L3MBTL4: variants seen among roughly 807,000 people sequenced by gnomAD.
The protein encoded by L3MBTL4 is lethal(3)malignant brain tumor-like protein 4.
A neutral mutation model predicts 84.5 loss-of-function variants in L3MBTL4; 70 were observed. The observed-to-expected ratio is 0.83, with a 90% CI of 0.68 to 1.01. The LOEUF is 1.01. L3MBTL4 is among the 50% of genes least tolerant of loss of function. The pLI is 0.00. For synonymous variants in L3MBTL4, 274 were observed against 259.8 expected, an observed-to-expected ratio of 1.05 and a Z score of -0.52; for missense variants, 715 against 754.8, an observed-to-expected ratio of 0.95 and a Z score of 0.62.
chr18:6,027,009 C>T (rs2055537387), intron 16 of L3MBTL4, among the ~76,000 whole-genome samples: 1 of 152,040 alleles, frequency 6.6e-6, no homozygotes, highest in Non-Finnish European at 1.5e-5. Context: ...AGTAAAACAG[C>T]TGGTGTTTTG....
intron 1 of L3MBTL4, among the ~76,000 whole-genome samples, chr18:6,317,029 T>TAAAC (rs1488321735): frequency 1.3e-4 from 20 of 151,994 alleles, no homozygotes; most frequent in African/African-American, 4.6e-4. Flanking sequence ...AATAAATAAA[T>TAAAC]GCACACTGTG....
chr18:6,264,735 G>T (rs752934991), intron 4 of L3MBTL4, among the ~76,000 whole-genome samples: 4 of 152,172 alleles, frequency 2.6e-5, no homozygotes, highest in Non-Finnish European at 4.4e-5. Context: ...AGTGAGCCGA[G>T]ATCGCACTAC....
chr18:6,288,370 G>A lies in L3MBTL4; in HGVS notation c.127+13533C>T, dbSNP rs150527365. ...AAAATATATGCTAACTAACCCAAAT[G>A]TTTATTTTTAGTTCACATGACTTAA... is the stretch of plus-strand genomic sequence containing the variant. On this transcript the variant is annotated intron_variant, in intron 4 of 18. Coordinates refer to ENST00000317931, the MANE Select transcript of L3MBTL4 (RefSeq NM_001330559.2). Among the ~76,000 whole-genome samples, 562 of 152,146 alleles carry A rather than the reference G, an allele frequency of 3.7e-3. 2 individuals carry two copies. Among genetic ancestry groups the A allele is most frequent in the African/African-American group, 0.012 (499 of 41,528 alleles).
chr18:6,106,898 C>A (rs1441338596), intron 14 of L3MBTL4, among the ~76,000 whole-genome samples: 3 of 152,116 alleles, frequency 2.0e-5, no homozygotes, highest in Non-Finnish European at 4.4e-5. Flanking sequence ...GATGTGGTGC[C>A]CCAAATATGG....
At chr18:6,140,494 G>A (rs536784662) in intron 13 of L3MBTL4, among the ~76,000 whole-genome samples, 38 of 152,258 alleles carry the variant, frequency 2.5e-4, no homozygotes, top group African/African-American at 8.9e-4. Flanking sequence ...GTCCCACACT[G>A]CCACTGGCCT....
chr18:6,012,414 T>G (rs750506913), intron 16 of L3MBTL4, among the ~76,000 whole-genome samples: 3 of 151,922 alleles, frequency 2.0e-5, no homozygotes, highest in Non-Finnish European at 4.4e-5. Context: ...GTAGATAATT[T>G]TAAAAGCATA....
At chr18:6,054,505 C>T (rs778441091) in intron 16 of L3MBTL4, among the ~76,000 whole-genome samples, 2 of 152,170 alleles carry the variant, frequency 1.3e-5, no homozygotes, top group Non-Finnish European at 2.9e-5. Flanking sequence ...ACTTAGCAAA[C>T]ATCCTTCTTT....
At position 6,241,402 on chromosome 18, in the gene L3MBTL4, T is replaced by C. The variant is rs2047444483; in HGVS notation, c.508A>G (p.Lys170Glu). The C allele has an allele frequency of 6.2e-7, 1 of 1,606,470 alleles. No homozygotes were observed. Residue 170 changes from lysine (K) to glutamate (E), a missense_variant, in exon 8 of 19, where the codon AAA becomes GAA. By Grantham distance (56) the Lys-to-Glu change is moderately conservative. Coordinates refer to ENST00000317931, the MANE Select transcript of L3MBTL4 (RefSeq NM_001330559.2). ...FVWMDYLKAC[K>E]LQNAPKKLFR... Reference sequence around the variant, plus strand: ...AATTTCTTTGGAGCATTTTGCAATTTGCAGGCCTTCAAGTAATCCATCCAA... The same window carrying C: ...AATTTCTTTGGAGCATTTTGCAATTCGCAGGCCTTCAAGTAATCCATCCAA...
chr18:6,037,185 C>G (rs988918840), intron 16 of L3MBTL4, among the ~76,000 whole-genome samples: 1 of 152,196 alleles, frequency 6.6e-6, no homozygotes, highest in Non-Finnish European at 1.5e-5. Context: ...CCCTTGCTCC[C>G]ACGAGCAGTG....
At chr18:6,107,209 AGAG>A (rs1357458756) in intron 14 of L3MBTL4, among the ~76,000 whole-genome samples, 1 of 152,156 alleles carries the variant, frequency 6.6e-6, no homozygotes, top group Non-Finnish European at 1.5e-5. Flanking sequence ...AGTTTGCTGC[AGAG>A]GAGGCAGAGG....
chr18:6,360,047 G>C (rs985305538), intron 1 of L3MBTL4, among the ~76,000 whole-genome samples: 4 of 152,190 alleles, frequency 2.6e-5, no homozygotes, highest in African/African-American at 9.6e-5. Context: ...AGTACTTATA[G>C]AGAAACAGAA....
chr18:6,349,487 G>A (rs1021132538), intron 1 of L3MBTL4, among the ~76,000 whole-genome samples: 3 of 152,154 alleles, frequency 2.0e-5, no homozygotes, highest in South Asian at 2.1e-4. Flanking sequence ...AAAGCACTTC[G>A]GGAGGCCGAG....
At chr18:6,412,993 C>T (rs901119395) in intron 1 of L3MBTL4, among the ~76,000 whole-genome samples, 2 of 151,892 alleles carry the variant, frequency 1.3e-5, no homozygotes, top group Non-Finnish European at 2.9e-5. Context: ...TAGGCTGAGG[C>T]GGGATCCTTT....
At chr18:6,080,771 G>C (rs1003781614) in intron 16 of L3MBTL4, 110 bp downstream of exon 16, 3 of 749,026 alleles carry the variant, frequency 4.0e-6, no homozygotes, top group Non-Finnish European at 6.4e-6. Flanking sequence ...TTCTAGTTAG[G>C]CTCTTTCTAC....
chr18:6,188,183 A>T (rs1486100100), intron 12 of L3MBTL4, among the ~76,000 whole-genome samples: 1 of 151,956 alleles, frequency 6.6e-6, no homozygotes, highest in South Asian at 2.1e-4. Flanking sequence ...CAAAGATCAC[A>T]CACCAACCCC....
chr18:6,142,764 T>A (rs1190159594), intron 13 of L3MBTL4, among the ~76,000 whole-genome samples: 1 of 151,994 alleles, frequency 6.6e-6, no homozygotes, highest in African/African-American at 2.4e-5. Context: ...AAAAAAATAA[T>A]CTTAAAAGTT....
intron 12 of L3MBTL4, among the ~76,000 whole-genome samples, chr18:6,178,875 A>G (rs1186746875): frequency 6.6e-6 from 1 of 152,124 alleles, no homozygotes; most frequent in Non-Finnish European, 1.5e-5. Context: ...CCCAATGCCC[A>G]CAGTAGGACT....
chr18:6,281,856 A>G (rs2049334873), intron 4 of L3MBTL4, among the ~76,000 whole-genome samples: 1 of 152,238 alleles, frequency 6.6e-6, no homozygotes, highest in Admixed American at 6.5e-5. Context: ...AAATTAAAAT[A>G]TTAGTATCAT....
rs538076788 is a variant in L3MBTL4, at chr18:6,054,446, C to T, written c.1444+26435G>A. 1.8e-3 allele frequency among the ~76,000 whole-genome samples: 276 copies of T among 152,256 alleles called. 6 individuals are homozygous for T. The highest frequency in any genetic ancestry group is 2.9e-4 in the Non-Finnish European group (20 of 68,014). ...GTGAGAATATCAAATCAGATACTCCCTCCAGGGGTTTACCACACTCAGTAC... is the reference window on the plus strand; with the variant it reads ...GTGAGAATATCAAATCAGATACTCCTTCCAGGGGTTTACCACACTCAGTAC... On this transcript the variant is annotated intron_variant, in intron 16 of 18. Transcript: ENST00000317931.
Sources: allele counts gnomAD v4.1 joint callset (sites outside exome capture counted in the v4.1 genomes callset), GRCh38; gene constraint gnomAD v4.1.1; transcripts MANE v1.5; gene names NCBI Gene and HGNC (gene_info 2026-07-23, HGNC 2026-07-21).